The following SPAG9 variants were observed in gnomAD, a reference collection of about 807,000 sequenced individuals.
SPAG9 encodes C-Jun-amino-terminal kinase-interacting protein 4.
SPAG9 carries 35 observed loss-of-function variants against 166.5 expected under a neutral mutation model. The ratio of observed to expected loss-of-function variants is 0.21; its 90% CI spans 0.16 to 0.28. The LOEUF (loss-of-function observed/expected upper bound fraction) is 0.28, where lower values mean the gene tolerates loss of function less well. Ranked by LOEUF, SPAG9 falls within the 10% of genes least tolerant of loss-of-function variation. The pLI is 1.00. For missense variants in SPAG9, 1,235 were observed against 1,603.3 expected (o/e 0.77, Z 3.92); for synonymous variants, 534 against 565.5 (o/e 0.94, Z 0.79).
At chr17:51,070,300 G>GCA (rs2047788847) in intron 2 of SPAG9, among the ~76,000 whole-genome samples, 1 of 152,176 alleles carries the variant, frequency 6.6e-6, no homozygotes, top group African/African-American at 2.4e-5. Flanking sequence ...TATCAGCTCT[G>GCA]TGTGCTAATA....
chr17:51,066,107 C>T (rs2058254), intron 2 of SPAG9, among the ~76,000 whole-genome samples: 78,290 of 151,412 alleles, frequency 0.52, 20,719 homozygotes, highest in Non-Finnish European at 0.56. Context: ...TACCCCATTA[C>T]GCTTTTTTTT....
Position 51,089,624 on chromosome 17 carries a change from A to T in SPAG9, c.304-9920T>A, listed in dbSNP as rs530796150. ...TGTATATATATACACTTTATTTTAT[A>T]TATATATATATATATATATATATAT... is the stretch of plus-strand genomic sequence containing the variant. On this transcript the variant is annotated intron_variant, in intron 1 of 29. Coordinates refer to ENST00000262013, the MANE Select transcript of SPAG9 (RefSeq NM_001130528.3). Among the ~76,000 whole-genome samples the T allele has an allele frequency of 2.0e-3, 104 of 52,814 alleles. 1 individual carries two copies. The highest frequency in any genetic ancestry group is 5.3e-3 in the African/African-American group (48 of 9,114). 34.6% of individuals were successfully genotyped at this position (52,814 alleles called of 152,430 possible).
intron 6 of SPAG9, among the ~76,000 whole-genome samples, chr17:51,025,952 T>C (rs964643184): frequency 1.3e-5 from 2 of 152,168 alleles, no homozygotes; most frequent in African/African-American, 4.8e-5. Flanking sequence ...TAAACAGTGT[T>C]GATGAAAGCA....
chr17:50,989,622 TC>T, intron 21 of SPAG9, 54 bp downstream of exon 21: 2 of 1,396,932 alleles, frequency 1.4e-6, no homozygotes, highest in Non-Finnish European at 2.0e-6. Flanking sequence ...TTATTTTGGT[TC>T]CTTTTATTTG....
rs1011731683 is a variant in SPAG9, at chr17:51,025,642, G to A, written c.784-4277C>T. 2.6e-5 allele frequency among the ~76,000 whole-genome samples: 4 copies of A among 152,260 alleles called. No individual in the cohort carries two copies. The South Asian group carries it at 8.3e-4, about 32-fold the overall frequency. On this transcript the variant is annotated intron_variant, in intron 6 of 29. Transcript: ENST00000262013. ...CGGTCGGCTCATGCCTGTAATCCCAGCACTTTGAGAGGTTGAGGTGGGCAT... is the reference window on the plus strand; with the variant it reads ...CGGTCGGCTCATGCCTGTAATCCCAACACTTTGAGAGGTTGAGGTGGGCAT...
chr17:51,077,113 G>T (rs1184347484), intron 2 of SPAG9, among the ~76,000 whole-genome samples: 79 of 135,524 alleles, frequency 5.8e-4, no homozygotes, highest in African/African-American at 2.0e-3. Flanking sequence ...TAGCTATCTA[G>T]CTATCTAGCT....
intron 9 of SPAG9, among the ~76,000 whole-genome samples, chr17:51,013,219 T>G (rs896688917): frequency 1.3e-5 from 2 of 152,172 alleles, no homozygotes; most frequent in Non-Finnish European, 1.5e-5. Flanking sequence ...TACCAATAGA[T>G]ACAAATTTTT....
In SPAG9 at chr17:51,089,655, TATATATATAC is replaced by T. The variant is rs1266248724; in HGVS notation, c.304-9961_304-9952del. On this transcript the variant is annotated intron_variant, in intron 1 of 29. Coordinates refer to ENST00000262013, the MANE Select transcript of SPAG9 (RefSeq NM_001130528.3). ...ATATATATATATATATATATATATA[TATATATATAC>T]ACATACACACACACACTTTCTTTTT... Among the ~76,000 whole-genome samples, 211 of 104,682 alleles carry T rather than the reference TATATATATAC, an allele frequency of 2.0e-3. 3 individuals are homozygous for T. The highest frequency in any genetic ancestry group is 5.2e-3 in the African/African-American group (136 of 26,128). The allele number at this position is 104,682 out of a possible 152,430, so 68.7% of individuals were successfully genotyped here.
rs1422870652 is a variant in SPAG9 at position 50,990,580 on chromosome 17, G to A, written c.2487C>T (p.Ser829=). The change falls in exon 20 of 30, where the codon AGC becomes AGT. Residue 829 remains serine, a synonymous_variant. Transcript: ENST00000262013. ...DKASLCGSMT[S]NSSAETDSLL... ...GGCTGTCTGTCTCTGCTGAGCTGTT[G>A]CTTGTCATACTTCCACATAAAGATG... 6.8e-6 allele frequency: 11 copies of A among 1,614,030 alleles called. No individual in the cohort carries two copies. Among genetic ancestry groups the A allele is most frequent in the African/African-American group, 1.3e-5 (1 of 74,924 alleles).
chr17:51,117,538 C>T (rs1190649686), intron 1 of SPAG9, among the ~76,000 whole-genome samples: 2 of 151,662 alleles, frequency 1.3e-5, no homozygotes, highest in African/African-American at 4.8e-5. Flanking sequence ...GGTGAAACCC[C>T]GTCTCTACCA....
At chr17:51,077,045 G>GCTAT (rs748664225) in intron 2 of SPAG9, among the ~76,000 whole-genome samples, 3 of 99,022 alleles carry the variant, frequency 3.0e-5, no homozygotes, top group Admixed American at 2.1e-4. Context: ...TAGCTATCTA[G>GCTAT]CTATCTAGCT....
At chr17:51,004,591 T>C (rs189416754) in intron 12 of SPAG9, among the ~76,000 whole-genome samples, 92 of 152,144 alleles carry the variant, frequency 6.0e-4, no homozygotes, top group Non-Finnish European at 9.3e-4. Flanking sequence ...TACAAAAAAT[T>C]AGCCAAATTA....
intron 2 of SPAG9, among the ~76,000 whole-genome samples, chr17:51,077,036 AGC>A: frequency 8.8e-6 from 1 of 114,156 alleles, no homozygotes; most frequent in African/African-American, 3.1e-5. Context: ...CTATCTATCT[AGC>A]TATCTAGCTA....
chr17:50,990,743 G>A, intron 19 of SPAG9, 75 bp from the exon 20 acceptor site: 1 of 1,219,308 alleles, frequency 8.2e-7, no homozygotes, highest in Non-Finnish European at 1.2e-6. Flanking sequence ...ACAATTACAG[G>A]TTTGAAATGA....
chr17:51,029,883 C>A (rs957725400), intron 6 of SPAG9, among the ~76,000 whole-genome samples: 6 of 152,170 alleles, frequency 3.9e-5, no homozygotes, highest in Admixed American at 3.3e-4. Flanking sequence ...TGTATACTTA[C>A]ACTATTGAAC....
At chr17:51,093,845 T>C (rs914036635) in intron 1 of SPAG9, among the ~76,000 whole-genome samples, 9 of 151,934 alleles carry the variant, frequency 5.9e-5, no homozygotes, top group Admixed American at 1.3e-4. Context: ...CCCTAGTAGG[T>C]AGACAGTCCC....
intron 2 of SPAG9, among the ~76,000 whole-genome samples, chr17:51,075,195 C>CAAAAAAAAAAAAAAAAAA (rs57533555): frequency 3.5e-4 from 10 of 28,958 alleles, no homozygotes; most frequent in East Asian, 9.5e-4. Context: ...GACTCCATCT[C>CAAAAAAAAAAAAAAAAAA]AAAAAAAAAA....
chr17:51,083,359 C>G (rs529137158), intron 1 of SPAG9, among the ~76,000 whole-genome samples: 1 of 151,002 alleles, frequency 6.6e-6, no homozygotes, highest in South Asian at 2.1e-4. Context: ...CTCAGCTTCC[C>G]GCACAGCTGG....
Position 51,092,279 on chromosome 17 carries a change from A to T in SPAG9, c.304-12575T>A, listed in dbSNP as rs183795457. Among the ~76,000 whole-genome samples, 401 of 152,236 alleles carry T rather than the reference A, an allele frequency of 2.6e-3. 3 individuals carry two copies. The highest frequency in any genetic ancestry group is 4.2e-3 in the Non-Finnish European group (283 of 68,022). ...TCCCTTCCAAGTCCAAAATGTGGAA[A>T]ATTTTTTAACACAAATGATTTGGTT... On this transcript the variant is annotated intron_variant, in intron 1 of 29. Transcript: ENST00000262013.
Sources: gnomAD v4.1 joint callset for allele counts (sites outside exome capture counted in the v4.1 genomes callset) on GRCh38, gnomAD v4.1.1 for gene constraint, MANE v1.5 for transcripts, NCBI Gene and HGNC (gene_info 2026-07-23, HGNC 2026-07-21) for gene names.